ROBO2: variants seen among roughly 807,000 people sequenced by gnomAD.
ROBO2 encodes roundabout homolog 2.
A neutral mutation model predicts 160.8 loss-of-function variants in ROBO2; 53 were observed. The ratio of observed to expected loss-of-function variants is 0.33; its 90% CI spans 0.26 to 0.41. The LOEUF is 0.41. ROBO2 is among the 10% of genes least tolerant of loss of function. The probability of loss-of-function intolerance (pLI) is 1.00; values close to 1 mark genes in which losing one functional copy is unlikely to be tolerated. For synonymous variants in ROBO2, 664 were observed against 611.7 expected (o/e 1.09, Z -1.26); for missense variants, 1,577 against 1,722.4 (o/e 0.92, Z 1.49).
intron 2 of ROBO2, among the ~76,000 whole-genome samples, chr3:77,281,542 C>T (rs1209442817): frequency 4.0e-5 from 6 of 151,888 alleles, no homozygotes; most frequent in South Asian, 2.1e-4. Context: ...CTTAGAAATG[C>T]GTATGTTTGT....
chr3:77,044,248 G>C (rs1442119458), intron 1 of ROBO2, among the ~76,000 whole-genome samples: 1 of 152,070 alleles, frequency 6.6e-6, no homozygotes, highest in Non-Finnish European at 1.5e-5. Flanking sequence ...TAGCATGTTT[G>C]ACGATAAAAA....
intron 2 of ROBO2, among the ~76,000 whole-genome samples, chr3:76,752,085 A>G (rs1021209360): frequency 2.0e-5 from 3 of 152,192 alleles, no homozygotes; most frequent in African/African-American, 7.2e-5. Flanking sequence ...AATGTGACAC[A>G]TATACAGCAT....
chr3:76,529,745 TG>T, intron 2 of ROBO2, among the ~76,000 whole-genome samples: 1 of 152,308 alleles, frequency 6.6e-6, no homozygotes, highest in East Asian at 1.9e-4. Context: ...GAGTAAAGCA[TG>T]TTGTCTTTCA....
At chr3:77,481,284 C>G in intron 4 of ROBO2, 65 bp downstream of exon 4, 5 of 1,356,282 alleles carry the variant, frequency 3.7e-6, no homozygotes, top group Non-Finnish European at 4.8e-6. Context: ...TTAAGTATTA[C>G]TAACATTAAA....
intron 2 of ROBO2, among the ~76,000 whole-genome samples, chr3:77,392,633 A>G (rs1256372734): frequency 6.6e-6 from 1 of 152,168 alleles, no homozygotes; most frequent in Non-Finnish European, 1.5e-5. Flanking sequence ...TAGCCTTTTA[A>G]TTATTAATAA....
intron 2 of ROBO2, among the ~76,000 whole-genome samples, chr3:77,135,010 A>G (rs2076163560): frequency 1.3e-5 from 2 of 152,136 alleles, no homozygotes; most frequent in Admixed American, 1.3e-4. Context: ...CGAGCTAGAG[A>G]GATGACGCCG....
At chr3:76,615,085 G>T (rs1193598522) in intron 2 of ROBO2, among the ~76,000 whole-genome samples, 1 of 152,056 alleles carries the variant, frequency 6.6e-6, no homozygotes, top group Non-Finnish European at 1.5e-5. Context: ...CTGAAATTCT[G>T]ACTCTAGACC....
chr3:77,346,034 T>G (rs2153454608), intron 2 of ROBO2, among the ~76,000 whole-genome samples: 1 of 152,254 alleles, frequency 6.6e-6, no homozygotes, highest in African/African-American at 2.4e-5. Flanking sequence ...TTTAGTAATT[T>G]TAGTACAAAC....
intron 22 of ROBO2, among the ~76,000 whole-genome samples, chr3:77,620,422 A>C (rs2094877710): frequency 6.6e-6 from 1 of 152,180 alleles, no homozygotes. Context: ...TTATTCCATC[A>C]AGGTATATTT....
In ROBO2 at chr3:75,973,878, A is replaced by G. The variant is rs965806466; in HGVS notation, c.109+36276A>G. On this transcript the variant is annotated intron_variant, in intron 2 of 26. Transcript: ENST00000487694. ...ATTTGAAGGCAGAAGATTAAAATTAATTACCCAGGGTTAGAAAAAAATCAT... is the reference window on the plus strand; with the variant it reads ...ATTTGAAGGCAGAAGATTAAAATTAGTTACCCAGGGTTAGAAAAAAATCAT... 4.0e-5 allele frequency among the ~76,000 whole-genome samples: 6 copies of G among 151,710 alleles called. No homozygotes were observed. In the East Asian group the frequency reaches 1.2e-3, roughly 30 times the overall value.
At chr3:76,315,169 C>T (rs1207198237) in intron 2 of ROBO2, among the ~76,000 whole-genome samples, 1 of 152,190 alleles carries the variant, frequency 6.6e-6, no homozygotes, top group Non-Finnish European at 1.5e-5. Context: ...CATTCTGGCA[C>T]TTGACCTTGA....
intron 2 of ROBO2, among the ~76,000 whole-genome samples, chr3:76,466,649 C>T (rs2078376963): frequency 1.3e-5 from 2 of 151,492 alleles, no homozygotes; most frequent in African/African-American, 4.8e-5. Context: ...TTTTGTTGAC[C>T]CATCATTTCC....
intron 2 of ROBO2, among the ~76,000 whole-genome samples, chr3:77,385,987 T>C (rs2074059227): frequency 6.6e-6 from 1 of 152,188 alleles, no homozygotes; most frequent in Non-Finnish European, 1.5e-5. Flanking sequence ...AATATTGTCA[T>C]GTAAGTCAAT....
intron 2 of ROBO2, among the ~76,000 whole-genome samples, chr3:76,462,169 G>A (rs1020261117): frequency 1.3e-5 from 2 of 152,122 alleles, no homozygotes; most frequent in African/African-American, 4.8e-5. Context: ...AGACTATTAG[G>A]AGAAATAAGT....
chr3:77,526,170 A>G (rs1477702752), intron 6 of ROBO2, among the ~76,000 whole-genome samples: 3 of 151,470 alleles, frequency 2.0e-5, no homozygotes, highest in Non-Finnish European at 4.4e-5. Flanking sequence ...CACTGCTACA[A>G]TTGCCTTATT....
chr3:76,465,621 G>A (rs1577385219), intron 2 of ROBO2, among the ~76,000 whole-genome samples: 1 of 152,002 alleles, frequency 6.6e-6, no homozygotes, highest in South Asian at 2.1e-4. Flanking sequence ...GCTGAAGATA[G>A]ATGTTTCTAA....
intron 1 of ROBO2, among the ~76,000 whole-genome samples, chr3:75,915,856 A>G (rs921213548): frequency 6.6e-6 from 1 of 152,212 alleles, no homozygotes; most frequent in Non-Finnish European, 1.5e-5. Context: ...GTATAATTAC[A>G]TAGTAATTTC....
intron 2 of ROBO2, among the ~76,000 whole-genome samples, chr3:75,961,305 G>A (rs626668): frequency 0.86 from 130,192 of 151,588 alleles, 58,676 homozygotes; most frequent in East Asian, 1. Context: ...ATTTACTTTT[G>A]TATGTTATTT....
intron 2 of ROBO2, among the ~76,000 whole-genome samples, chr3:76,710,741 G>A (rs264553): frequency 0.069 from 10,555 of 152,150 alleles, 447 homozygotes; most frequent in East Asian, 0.11. Flanking sequence ...TTGAAAATGT[G>A]AGCAACTTGA....
Sources: gnomAD v4.1 joint callset for allele counts (sites outside exome capture counted in the v4.1 genomes callset) on GRCh38, gnomAD v4.1.1 for gene constraint, MANE v1.5 for transcripts, NCBI Gene and HGNC (gene_info 2026-07-23, HGNC 2026-07-21) for gene names.